PCCA: variants seen among roughly 807,000 people sequenced by gnomAD.
PCCA encodes propionyl-CoA carboxylase alpha chain, mitochondrial.
Under a neutral mutation model 101.3 loss-of-function variants are expected in PCCA, and 74 were observed. The ratio of observed to expected loss-of-function variants is 0.73; its 90% CI spans 0.61 to 0.89. The LOEUF is 0.89. Ranked by LOEUF, PCCA falls within the 40% of genes least tolerant of loss-of-function variation. The pLI is 0.00. For synonymous variants in PCCA, 294 were observed against 313.6 expected, an observed-to-expected ratio of 0.94 and a Z score of 0.66; for missense variants, 891 against 907.0, an observed-to-expected ratio of 0.98 and a Z score of 0.23.
intron 20 of PCCA, among the ~76,000 whole-genome samples, chr13:100,426,012 T>A (rs2079121741): frequency 6.6e-6 from 1 of 152,058 alleles, no homozygotes; most frequent in African/African-American, 2.4e-5. Context: ...CTAGATTAGC[T>A]GTTTTTTTTT....
intron 21 of PCCA, among the ~76,000 whole-genome samples, chr13:100,509,826 T>TTTTTGTTTTG (rs60985069): frequency 0.3 from 45,416 of 149,366 alleles, 7,289 homozygotes; most frequent in East Asian, 0.49. Flanking sequence ...TTTTGTGTTT[T>TTTTTGTTTTG]TTTTGTTTTG....
chr13:100,420,251 A>G (rs2078658524), intron 19 of PCCA, among the ~76,000 whole-genome samples: 1 of 152,226 alleles, frequency 6.6e-6, no homozygotes, highest in African/African-American at 2.4e-5. Context: ...CACTCACTTT[A>G]TAATATTGGA....
At chr13:100,135,843 A>T (rs970641940) in intron 4 of PCCA, among the ~76,000 whole-genome samples, 2 of 152,146 alleles carry the variant, frequency 1.3e-5, no homozygotes, top group Non-Finnish European at 2.9e-5. Context: ...GTCTACTCCT[A>T]ATCTGCCAAT....
At chr13:100,279,481 A>G (rs2063915748) in intron 12 of PCCA, among the ~76,000 whole-genome samples, 1 of 151,992 alleles carries the variant, frequency 6.6e-6, no homozygotes, top group African/African-American at 2.4e-5. Flanking sequence ...AAACAATCCA[A>G]TTTGTTTTTT....
At chr13:100,183,898 C>A (rs11839348) in intron 6 of PCCA, among the ~76,000 whole-genome samples, 3,719 of 152,232 alleles carry the variant, frequency 0.024, 168 homozygotes, top group African/African-American at 0.085. Flanking sequence ...CTGCCCTTTT[C>A]CTCAATTCAG....
intron 20 of PCCA, among the ~76,000 whole-genome samples, chr13:100,441,994 T>C (rs895645425): frequency 7.3e-6 from 1 of 137,412 alleles, no homozygotes; most frequent in Non-Finnish European, 1.6e-5. Context: ...TTTTTCTTTT[T>C]TTTTTTTTTT....
At chr13:100,395,239 T>C (rs2076989848) in intron 19 of PCCA, among the ~76,000 whole-genome samples, 1 of 152,222 alleles carries the variant, frequency 6.6e-6, no homozygotes, top group African/African-American at 2.4e-5. Flanking sequence ...CAAATTATTT[T>C]GGTGTCTTGT....
chr13:100,452,600 G>A (rs913484726), intron 21 of PCCA, among the ~76,000 whole-genome samples: 1 of 152,096 alleles, frequency 6.6e-6, no homozygotes, highest in East Asian at 1.9e-4. Flanking sequence ...GCCGCTTACA[G>A]TTCTGGTCAC....
intron 20 of PCCA, among the ~76,000 whole-genome samples, chr13:100,430,441 A>G (rs1308513574): frequency 6.6e-6 from 1 of 152,128 alleles, no homozygotes; most frequent in Non-Finnish European, 1.5e-5. Context: ...TGTGAGCAGT[A>G]TCTTGTTGAG....
intron 19 of PCCA, among the ~76,000 whole-genome samples, chr13:100,386,763 C>G (rs2076530960): frequency 6.6e-6 from 1 of 152,154 alleles, no homozygotes; most frequent in South Asian, 2.1e-4. Flanking sequence ...CTTGTGATAT[C>G]CACAGAATAT....
intron 21 of PCCA, among the ~76,000 whole-genome samples, chr13:100,465,846 A>G (rs1332122926): frequency 1.3e-5 from 2 of 152,254 alleles, no homozygotes; most frequent in African/African-American, 4.8e-5. Context: ...ACCTACTTGA[A>G]TACCTTATGC....
chr13:100,387,624 G>A (rs535012728), intron 19 of PCCA, among the ~76,000 whole-genome samples: 3 of 152,326 alleles, frequency 2.0e-5, no homozygotes, highest in African/African-American at 7.2e-5. Context: ...ATGGGAGGGG[G>A]TTGGATAAAC....
chr13:100,336,443 G>T (rs947040620), intron 17 of PCCA, among the ~76,000 whole-genome samples: 13 of 152,234 alleles, frequency 8.5e-5, no homozygotes, highest in Admixed American at 6.5e-4. Flanking sequence ...GGGTCATAGT[G>T]GCATGTCACA....
chr13:100,428,518 A>G (rs987324284), intron 20 of PCCA, among the ~76,000 whole-genome samples: 1 of 151,956 alleles, frequency 6.6e-6, no homozygotes, highest in Non-Finnish European at 1.5e-5. Flanking sequence ...CGTGGCAGTC[A>G]TGTGTGCTTT....
At chr13:100,496,676 G>GT (rs2085301558) in intron 21 of PCCA, among the ~76,000 whole-genome samples, 1 of 152,158 alleles carries the variant, frequency 6.6e-6, no homozygotes, top group African/African-American at 2.4e-5. Context: ...GAAATAGACA[G>GT]TTAAGCTGGT....
chr13:100,209,489 GTA>G lies in PCCA; in HGVS notation c.600+30_600+31del, dbSNP rs753954495. The G allele has an allele frequency of 5.0e-6, 8 of 1,595,796 alleles. No individual in the cohort carries two copies. In the Admixed American group the frequency reaches 1.3e-4, roughly 27 times the overall value. On this transcript the variant is annotated intron_variant, in intron 7 of 23. Transcript: ENST00000376285. ...GTGAGAAGCTACTTTAACTTTTATT[GTA>G]TATGTCTTCAAGTTAAACATTTTGT...
chr13:100,437,796 G>A (rs1249053962), intron 20 of PCCA, among the ~76,000 whole-genome samples: 1 of 152,014 alleles, frequency 6.6e-6, no homozygotes, highest in Non-Finnish European at 1.5e-5. Flanking sequence ...AGCCTCCCAA[G>A]TAGCTGGGAC....
At chr13:100,501,794 A>C (rs2085692239) in intron 21 of PCCA, among the ~76,000 whole-genome samples, 1 of 152,078 alleles carries the variant, frequency 6.6e-6, no homozygotes, top group Non-Finnish European at 1.5e-5. Context: ...AAATCACTTG[A>C]ACCCGGGTGG....
Position 100,262,756 on chromosome 13 carries a change from A to G in PCCA, c.744A>G (p.Glu248=). 3.8e-6 allele frequency: 6 copies of G among 1,591,564 alleles called. No homozygotes were observed. Among genetic ancestry groups the G allele is most frequent in the Non-Finnish European group, 5.2e-6 (6 of 1,161,328 alleles). ...ATGGTTTTAGATTGTCATCTCAAGA[A>G]GCTGCTTCTAGTTTTGGCGATGATA... is the stretch of plus-strand genomic sequence containing the variant. ...TRDGFRLSSQ[E]AASSFGDDRL... is the part of the protein sequence containing the mutation. Residue 248 remains glutamate (E), a synonymous_variant, in exon 10 of 24, where the codon GAA becomes GAG. Transcript: ENST00000376285.
Sources: allele counts gnomAD v4.1 joint callset (sites outside exome capture counted in the v4.1 genomes callset), GRCh38; gene constraint gnomAD v4.1.1; transcripts MANE v1.5; gene names NCBI Gene and HGNC (gene_info 2026-07-23, HGNC 2026-07-21).